PPP6R3: variants seen among roughly 807,000 people sequenced by gnomAD.
PPP6R3 encodes the protein protein phosphatase 6 regulatory subunit 3, also known as serine/threonine-protein phosphatase 6 regulatory subunit 3.
PPP6R3 carries 38 observed loss-of-function variants against 110.7 expected under a neutral mutation model. The ratio of observed to expected loss-of-function variants is 0.34; its 90% CI spans 0.26 to 0.45. PPP6R3 has a LOEUF of 0.45. Among genes scored for constraint, PPP6R3 ranks in the 20% least tolerant of loss-of-function variants. PPP6R3 has a pLI of 1.00. For missense variants in PPP6R3, 870 were observed against 1,062.4 expected, an observed-to-expected ratio of 0.82 and a Z score of 2.52; for synonymous variants, 369 against 373.5, an observed-to-expected ratio of 0.99 and a Z score of 0.14.
At chr11:68,493,043 C>T (rs1196049700) in intron 1 of PPP6R3, among the ~76,000 whole-genome samples, 1 of 152,136 alleles carries the variant, frequency 6.6e-6, no homozygotes, top group Non-Finnish European at 1.5e-5. Context: ...CAGGTATGTG[C>T]TAATGATGCT....
chr11:68,565,796 G>A (rs1334408105), intron 9 of PPP6R3, among the ~76,000 whole-genome samples: 1 of 149,272 alleles, frequency 6.7e-6, no homozygotes, highest in African/African-American at 2.5e-5. Flanking sequence ...TCGGAGTACC[G>A]TTTGCACCTG....
Position 68,587,824 on chromosome 11 carries a change from A to G in PPP6R3, c.1633-103A>G, listed in dbSNP as rs532975871. 996 of 983,438 alleles carry G rather than the reference A, an allele frequency of 1.0e-3. 2 individuals are homozygous for G. The highest frequency in any genetic ancestry group is 1.5e-3 in the South Asian group (118 of 78,020). 60.9% of individuals were successfully genotyped at this position (983,438 alleles called of 1,614,324 possible). ...AAAACACACCAACTTTTATAGCCCT[A>G]TGGCTATGTAAATAAGATGATTTCT... On this transcript the variant is annotated intron_variant, in intron 15 of 23. Transcript: ENST00000393800.
intron 1 of PPP6R3, among the ~76,000 whole-genome samples, chr11:68,477,741 A>AAAAAAAAAAAAATATAT: frequency 3.5e-5 from 2 of 57,892 alleles, no homozygotes; most frequent in African/African-American, 1.4e-4. Flanking sequence ...AAAAAAAAAA[A>AAAAAAAAAAAAATATAT]ATATATATAT....
chr11:68,571,511 G>T (rs190425238), intron 12 of PPP6R3, among the ~76,000 whole-genome samples: 2 of 152,198 alleles, frequency 1.3e-5, no homozygotes, highest in East Asian at 3.8e-4. Flanking sequence ...GAGTTGCTTT[G>T]TACAGGGACC....
In PPP6R3 at chr11:68,594,500, A is replaced by T. The variant is rs111229144; in HGVS notation, c.1917-1597A>T. 1.6e-4 allele frequency among the ~76,000 whole-genome samples: 24 copies of T among 151,026 alleles called. 2 individuals carry two copies. The highest frequency in any genetic ancestry group is 2.5e-4 in the African/African-American group (10 of 40,416). Reference sequence around the variant, plus strand: ...AGGGAGACCCCATCTCTATTTTTTTAAAAAAAGAAAAAATTTAAATATGTA... The same window carrying T: ...AGGGAGACCCCATCTCTATTTTTTTTAAAAAAGAAAAAATTTAAATATGTA... On this transcript the variant is annotated intron_variant, in intron 18 of 23. Coordinates refer to ENST00000393800, the MANE Select transcript of PPP6R3 (RefSeq NM_001164161.2).
chr11:68,468,906 TG>T (rs2098768680), intron 1 of PPP6R3, among the ~76,000 whole-genome samples: 1 of 152,268 alleles, frequency 6.6e-6, no homozygotes, highest in Admixed American at 6.5e-5. Flanking sequence ...GTAACTTTGC[TG>T]TGGAGTCTCA....
chr11:68,607,590 G>C (rs1367375663), intron 22 of PPP6R3, among the ~76,000 whole-genome samples: 1 of 152,190 alleles, frequency 6.6e-6, no homozygotes, highest in Admixed American at 6.5e-5. Context: ...AGGAAACTGA[G>C]GCACTAGAGT....
At chr11:68,612,022 C>CTTAT (rs1283048406) in intron 23 of PPP6R3, among the ~76,000 whole-genome samples, 1 of 152,198 alleles carries the variant, frequency 6.6e-6, no homozygotes, top group Non-Finnish European at 1.5e-5. Context: ...ACATTATGTA[C>CTTAT]TTATTTCATA....
chr11:68,519,705 G>A (rs899822231), intron 2 of PPP6R3, 54 bp downstream of exon 2: 3 of 397,890 alleles, frequency 7.5e-6, no homozygotes, highest in Non-Finnish European at 1.3e-5. Flanking sequence ...ATCAAGGAAA[G>A]CTGTGGTTCT....
chr11:68,500,228 T>G (rs553969170), intron 1 of PPP6R3, among the ~76,000 whole-genome samples: 1 of 152,294 alleles, frequency 6.6e-6, no homozygotes, highest in South Asian at 2.1e-4. Flanking sequence ...ATGTGATAAC[T>G]TTTTTGTGTG....
At chr11:68,612,513 A>G (rs1266811496) in intron 23 of PPP6R3, among the ~76,000 whole-genome samples, 1 of 151,378 alleles carries the variant, frequency 6.6e-6, no homozygotes, top group Non-Finnish European at 1.5e-5. Context: ...CCCACCTGTT[A>G]TTCCCTCCCA....
intron 13 of PPP6R3, 119 bp from the exon 14 acceptor site, chr11:68,575,839 G>T: frequency 1.5e-6 from 1 of 652,000 alleles, no homozygotes. Flanking sequence ...AGCTGATAGG[G>T]CCTGCTCACC....
rs2099529734 is a variant in PPP6R3 at position 68,575,977 on chromosome 11, G to C, written c.1479G>C (p.Arg493Ser). The change falls in exon 14 of 24, where the codon AGG becomes AGC. Residue 493 changes from arginine (R) to serine (S), a missense_variant. By Grantham distance (110) the Arg-to-Ser change is moderately radical. Coordinates refer to ENST00000393800, the MANE Select transcript of PPP6R3 (RefSeq NM_001164161.2). ...QLIKDLPDEV[R>S]ERWETFCTSS... ...CTGAAGATCTTCCCGACGAAGTCAG[G>C]GAACGATGGGAGACGTTCTGCACAA... 6.2e-7 allele frequency: 1 copy of C among 1,611,478 alleles called. No homozygotes were observed. Among genetic ancestry groups the C allele is most frequent in the Admixed American group, 1.7e-5 (1 of 59,808 alleles).
chr11:68,594,265 G>GGAGAGA lies in PPP6R3; in HGVS notation c.1917-1810_1917-1805dup, dbSNP rs56125097. Among the ~76,000 whole-genome samples the GGAGAGA allele has an allele frequency of 3.4e-4, 46 of 137,028 alleles. 1 individual carries two copies. The South Asian group carries it at 5.4e-3, about 16-fold the overall frequency. The allele number at this position is 137,028 out of a possible 152,430, so 89.9% of individuals were successfully genotyped here. ...TAGACCCCCGTCTCTTAAAAAAGGG[G>GGAGAGA]GAGAGAGAGAGAGAGAGAGAGAGAG... On this transcript the variant is annotated intron_variant, in intron 18 of 23. Coordinates refer to ENST00000393800, the MANE Select transcript of PPP6R3 (RefSeq NM_001164161.2).
chr11:68,555,074 A>G (rs1490346717), intron 7 of PPP6R3, among the ~76,000 whole-genome samples: 1 of 152,216 alleles, frequency 6.6e-6, no homozygotes, highest in Non-Finnish European at 1.5e-5. Context: ...ATTACAGACA[A>G]GTTAATGTGT....
chr11:68,603,359 A>G lies in PPP6R3; in HGVS notation c.2317A>G (p.Met773Val). The change falls in exon 22 of 24, where the codon ATG becomes GTG. Residue 773 changes from methionine (M) to valine (V), a missense_variant. Transcript: ENST00000393800. ...VQPEAAGSVAMEASSDGEEDA... is the reference protein window; with the variant it reads ...VQPEAAGSVAVEASSDGEEDA... Reference sequence around the variant, plus strand: ...CTTTTCAGCGGCAGGCAGTGTGGCCATGGAAGCCAGCTCTGACGGAGAGGA... The same window carrying G: ...CTTTTCAGCGGCAGGCAGTGTGGCCGTGGAAGCCAGCTCTGACGGAGAGGA... 1 of 1,613,994 alleles carries G rather than the reference A, an allele frequency of 6.2e-7. No individual in the cohort carries two copies. Among genetic ancestry groups the G allele is most frequent in the Non-Finnish European group, 8.5e-7 (1 of 1,180,000 alleles).
chr11:68,547,995 T>G, intron 4 of PPP6R3, 72 bp from the exon 5 acceptor site: 1 of 1,453,656 alleles, frequency 6.9e-7, no homozygotes, highest in Non-Finnish European at 9.3e-7. Flanking sequence ...GGAGTCGGGG[T>G]TGGGACTTAA....
chr11:68,516,001 C>G (rs1275808955), intron 1 of PPP6R3, among the ~76,000 whole-genome samples: 1 of 152,174 alleles, frequency 6.6e-6, no homozygotes, highest in Non-Finnish European at 1.5e-5. Flanking sequence ...ATCTCCTGTT[C>G]TGCTTTCTGG....
At chr11:68,514,559 AT>A (rs943563381) in intron 1 of PPP6R3, among the ~76,000 whole-genome samples, 1 of 151,764 alleles carries the variant, frequency 6.6e-6, no homozygotes, top group Non-Finnish European at 1.5e-5. Context: ...GTATTCTCTC[AT>A]TTTTTTTATG....
Sources: gnomAD v4.1 joint callset for allele counts (sites outside exome capture counted in the v4.1 genomes callset) on GRCh38, gnomAD v4.1.1 for gene constraint, MANE v1.5 for transcripts, NCBI Gene and HGNC (gene_info 2026-07-23, HGNC 2026-07-21) for gene names.